SF3A1: variants seen among roughly 807,000 people sequenced by gnomAD.
SF3A1 encodes splicing factor 3a subunit 1.
Under a neutral mutation model 89.9 loss-of-function variants are expected in SF3A1, and 13 were observed. The observed-to-expected ratio is 0.14, with a 90% CI of 0.09 to 0.23. SF3A1 has a LOEUF of 0.23. SF3A1 is among the 10% of genes least tolerant of loss of function. The pLI, the probability that SF3A1 is intolerant of heterozygous loss-of-function variation, is 1.00. For missense variants in SF3A1, 604 were observed against 1,022.1 expected, an observed-to-expected ratio of 0.59 and a Z score of 5.58; for synonymous variants, 405 against 374.4, an observed-to-expected ratio of 1.08 and a Z score of -0.94.
In SF3A1 at chr22:30,350,886, A is replaced by G. The variant is rs116429024; in HGVS notation, c.185+2065T>C. Among the ~76,000 whole-genome samples, 1,247 of 152,360 alleles carry G rather than the reference A, an allele frequency of 8.2e-3. 17 individuals are homozygous for G. Among genetic ancestry groups the G allele is most frequent in the African/African-American group, 0.028 (1,178 of 41,574 alleles). ...CACAACACTGTCTAAATCTGACATGACCCAATCAACATCATCACAATGTTC... is the reference window on the plus strand; with the variant it reads ...CACAACACTGTCTAAATCTGACATGGCCCAATCAACATCATCACAATGTTC... On this transcript the variant is annotated intron_variant, in intron 2 of 15. Transcript: ENST00000215793.
chr22:30,342,498 C>G, intron 5 of SF3A1, 148 bp from the exon 6 acceptor site: 7 of 865,448 alleles, frequency 8.1e-6, no homozygotes, highest in Non-Finnish European at 1.2e-5. Flanking sequence ...GCACCTGGTT[C>G]CACCCAGGTG....
At chr22:30,340,883 T>A in intron 7 of SF3A1, 71 bp from the exon 8 acceptor site, 1 of 906,860 alleles carries the variant, frequency 1.1e-6, no homozygotes, top group Non-Finnish European at 1.8e-6. Flanking sequence ...GCCTGGCAGG[T>A]CTCTGGGTGG....
intron 2 of SF3A1, among the ~76,000 whole-genome samples, chr22:30,351,030 G>C (rs546879376): frequency 1.3e-5 from 2 of 152,256 alleles, no homozygotes; most frequent in African/African-American, 2.4e-5. Flanking sequence ...GGCTGGTGCC[G>C]TGGCTCACGC....
rs554887644 is a variant in SF3A1, at chr22:30,341,114, G to A, written c.1072-302C>T. Among the ~76,000 whole-genome samples the A allele has an allele frequency of 2.7e-5, 4 of 150,596 alleles. No individual in the cohort carries two copies. In the East Asian group the frequency reaches 6.0e-4, roughly 22 times the overall value. ...CGGGGGGGGACAGTGCCAAGGGGGC[G>A]AGGGGTGGGGGCGGCGAGTCGCCAA... On this transcript the variant is annotated intron_variant, in intron 7 of 15. Transcript: ENST00000215793.
intron 2 of SF3A1, among the ~76,000 whole-genome samples, chr22:30,349,215 G>T (rs117237368): frequency 0.01 from 1,536 of 152,344 alleles, 22 homozygotes; most frequent in East Asian, 0.077. Context: ...ACAGAGTTCT[G>T]CATGCCTGCT....
chr22:30,341,233 T>C (rs1390998135), intron 7 of SF3A1, among the ~76,000 whole-genome samples: 2 of 152,122 alleles, frequency 1.3e-5, no homozygotes, highest in Non-Finnish European at 2.9e-5. Context: ...GTGCACAAAT[T>C]ATTTCCGAGT....
chr22:30,345,240 CCAGGG>C (rs1421246926), intron 3 of SF3A1, 50 bp from the exon 4 acceptor site: 16 of 1,564,388 alleles, frequency 1.0e-5, no homozygotes, highest in Admixed American at 1.8e-5. Context: ...TGAACAGGCT[CCAGGG>C]GAGGGGAGGG....
rs534508210 is a variant in SF3A1 at position 30,356,329 on chromosome 22, G to A, written c.63+401C>T. 3.3e-5 allele frequency among the ~76,000 whole-genome samples: 5 copies of A among 152,356 alleles called. No individual in the cohort carries two copies. The South Asian group carries it at 8.3e-4, about 25-fold the overall frequency. On this transcript the variant is annotated intron_variant, in intron 1 of 15. Coordinates refer to ENST00000215793, the MANE Select transcript of SF3A1 (RefSeq NM_005877.6). ...ATCCAAAGATGTACCGTGCAGGCTG[G>A]GAAATTAGCCATTACTGGGGAAAGG...
At chr22:30,345,277 C>T (rs561991657) in intron 3 of SF3A1, 87 bp from the exon 4 acceptor site, 2 of 1,289,882 alleles carry the variant, frequency 1.6e-6, no homozygotes, top group East Asian at 4.7e-5. Flanking sequence ...GGCATGCACC[C>T]CTCAGCAGGA....
chr22:30,342,394 C>G, intron 5 of SF3A1, 44 bp from the exon 6 acceptor site: 2 of 1,556,372 alleles, frequency 1.3e-6, no homozygotes, highest in Non-Finnish European at 1.7e-6. Flanking sequence ...GAAGCAGGGT[C>G]TGCTCCTGAT....
chr22:30,340,667 C>T (rs1601693241), intron 8 of SF3A1, 28 bp downstream of exon 8: 14 of 1,421,554 alleles, frequency 9.8e-6, no homozygotes, highest in African/African-American at 1.4e-5. Flanking sequence ...CTGGGCAGCC[C>T]GAGGGTTGGG....
chr22:30,346,716 C>G (rs1041732896), intron 2 of SF3A1, among the ~76,000 whole-genome samples, 197 bp from the exon 3 acceptor site: 1 of 152,158 alleles, frequency 6.6e-6, no homozygotes, highest in African/African-American at 2.4e-5. Context: ...CAGGCCACCT[C>G]TGCCACAGGG....
chr22:30,342,487 T>A (rs1931290781), intron 5 of SF3A1, 137 bp from the exon 6 acceptor site: 6 of 981,428 alleles, frequency 6.1e-6, no homozygotes, highest in Middle Eastern at 6.4e-4. Context: ...CTATGGCATT[T>A]GCACCTGGTT....
In SF3A1 at chr22:30,338,621, A is replaced by T. The variant is rs1931151797; in HGVS notation, c.1743+168T>A. On this transcript the variant is annotated intron_variant, in intron 11 of 15. Transcript: ENST00000215793. ...CCTGTTCCAACCCTCCTCCACAAAC[A>T]GATCAAGAGAGAGGTTCCCACTTGC... Among the ~76,000 whole-genome samples, 2 of 148,250 alleles carry T rather than the reference A, an allele frequency of 1.3e-5. 1 individual carries two copies. Among genetic ancestry groups the T allele is most frequent in the South Asian group, 4.2e-4 (2 of 4,750 alleles).
At chr22:30,343,728 T>C (rs901635413) in intron 4 of SF3A1, among the ~76,000 whole-genome samples, 7 of 152,234 alleles carry the variant, frequency 4.6e-5, no homozygotes, top group Non-Finnish European at 8.8e-5. Flanking sequence ...GAGAAATTAA[T>C]CCAGGGTTCA....
At chr22:30,340,410 A>G (rs769492204) in intron 8 of SF3A1, 29 bp from the exon 9 acceptor site, 1 of 1,607,410 alleles carries the variant, frequency 6.2e-7, no homozygotes, top group South Asian at 1.1e-5. Flanking sequence ...TTCAGTAAGA[A>G]CACTGGTGGG....
Position 30,337,816 on chromosome 22 carries a change from G to A in SF3A1, c.1825C>T (p.Pro609Ser), listed in dbSNP as rs778240237. 5 of 1,605,048 alleles carry A rather than the reference G, an allele frequency of 3.1e-6. No individual in the cohort carries two copies. The highest frequency in any genetic ancestry group is 4.3e-6 in the Non-Finnish European group (5 of 1,176,172). Residue 609 changes from proline (P) to serine (S), a missense_variant, in exon 12 of 16, where the codon CCC (proline) becomes TCC (serine). Pro to Ser is a moderately conservative substitution (Grantham distance 74). This residue lies in a region of SF3A1 where 85 missense variants were observed against 137.3 expected (regional missense o/e 0.62). Coordinates refer to ENST00000215793, the MANE Select transcript of SF3A1 (RefSeq NM_005877.6). ...ATGGGGGCGATCACTGAGCCTGGGG[G>A]CAGCCGGACCACAGATGCCATTGGG... Reference protein sequence around the residue: ...RPPMASVVRLPPGSVIAPMPP... With the variant: ...RPPMASVVRLSPGSVIAPMPP...
intron 15 of SF3A1, 152 bp downstream of exon 15, chr22:30,335,315 C>G: frequency 1.4e-6 from 1 of 714,300 alleles, no homozygotes; most frequent in East Asian, 2.5e-5. Flanking sequence ...TGCCCCAACA[C>G]TCCCAGCCAG....
At chr22:30,353,682 G>C (rs1195540157) in intron 1 of SF3A1, among the ~76,000 whole-genome samples, 1 of 152,176 alleles carries the variant, frequency 6.6e-6, no homozygotes, top group African/African-American at 2.4e-5. Context: ...GACCTTTAGA[G>C]TTGTAAGCCC....
Sources: gnomAD v4.1 joint callset for allele counts (sites outside exome capture counted in the v4.1 genomes callset) on GRCh38, gnomAD v4.1.1 for gene constraint, gnomAD v4.1.1 regional missense constraint, MANE v1.5 for transcripts, NCBI Gene and HGNC (gene_info 2026-07-23, HGNC 2026-07-21) for gene names.